The following GPM6A variants were observed in gnomAD, a reference collection of about 807,000 sequenced individuals.
GPM6A encodes neuronal membrane glycoprotein M6-a.
A neutral mutation model predicts 32.1 loss-of-function variants in GPM6A; 7 were observed. That is an observed-to-expected ratio of 0.22 (90% CI 0.12 to 0.41). GPM6A has a LOEUF of 0.41. GPM6A is among the 10% of genes least tolerant of loss of function. The probability of loss-of-function intolerance (pLI) is 1.00; values close to 1 mark genes in which losing one functional copy is unlikely to be tolerated. For missense variants in GPM6A, 235 were observed against 347.2 expected, an observed-to-expected ratio of 0.68 and a Z score of 2.57; for synonymous variants, 130 against 123.4, an observed-to-expected ratio of 1.05 and a Z score of -0.35.
At chr4:175,864,134 A>T (rs778286890) in intron 1 of GPM6A, among the ~76,000 whole-genome samples, 1 of 152,192 alleles carries the variant, frequency 6.6e-6, no homozygotes, top group Non-Finnish European at 1.5e-5. Context: ...TTTCCCTAAT[A>T]AAATAAAGTT....
chr4:175,953,310 A>G (rs980261955), intron 1 of GPM6A, among the ~76,000 whole-genome samples: 6 of 152,184 alleles, frequency 3.9e-5, no homozygotes, highest in Non-Finnish European at 7.3e-5. Context: ...TTTTCCACAG[A>G]GAAGTAGTCT....
At chr4:175,869,611 T>C (rs1736842134) in intron 1 of GPM6A, among the ~76,000 whole-genome samples, 1 of 151,834 alleles carries the variant, frequency 6.6e-6, no homozygotes, top group African/African-American at 2.4e-5. Context: ...ACAAAAATTA[T>C]CTGGGCATGG....
At chr4:175,995,350 A>C (rs1741271291) in intron 1 of GPM6A, among the ~76,000 whole-genome samples, 1 of 150,720 alleles carries the variant, frequency 6.6e-6, no homozygotes, top group Non-Finnish European at 1.5e-5. Context: ...TGGAAGTGGA[A>C]ATTGCTGCTT....
At chr4:175,986,073 G>A (rs1031069760) in intron 1 of GPM6A, among the ~76,000 whole-genome samples, 1 of 151,958 alleles carries the variant, frequency 6.6e-6, no homozygotes, top group African/African-American at 2.4e-5. Flanking sequence ...CAAAGTGCAG[G>A]GTCCCAAAGG....
chr4:175,636,258 C>CTGTATATATA (rs1740580730), intron 6 of GPM6A, among the ~76,000 whole-genome samples: 1 of 34,100 alleles, frequency 2.9e-5, no homozygotes, highest in Non-Finnish European at 7.2e-5. Context: ...AGCATAATCA[C>CTGTATATATA]TGTATATATA....
chr4:175,849,578 G>T (rs922147652), intron 1 of GPM6A, among the ~76,000 whole-genome samples: 3 of 152,128 alleles, frequency 2.0e-5, no homozygotes, highest in African/African-American at 4.8e-5. Context: ...GATTAACATG[G>T]AAACGGTTTC....
At chr4:175,977,076 T>G (rs1292507130) in intron 1 of GPM6A, among the ~76,000 whole-genome samples, 1 of 152,208 alleles carries the variant, frequency 6.6e-6, no homozygotes, top group Non-Finnish European at 1.5e-5. Flanking sequence ...AACATTGTAT[T>G]CTTAAATAAA....
chr4:175,930,425 TG>T (rs138781978), intron 1 of GPM6A, among the ~76,000 whole-genome samples: 13 of 124,886 alleles, frequency 1.0e-4, no homozygotes, highest in South Asian at 5.3e-4. Context: ...ATCTGTTTTT[TG>T]GGGGGGGGTT....
intron 1 of GPM6A, among the ~76,000 whole-genome samples, chr4:175,762,110 G>A (rs1264983645): frequency 6.6e-6 from 1 of 152,138 alleles, no homozygotes; most frequent in Admixed American, 6.5e-5. Context: ...AGCTTTCAAT[G>A]TCTGAAAAAG....
At chr4:175,648,433 T>C (rs1741598915) in intron 4 of GPM6A, among the ~76,000 whole-genome samples, 1 of 152,150 alleles carries the variant, frequency 6.6e-6, no homozygotes, top group East Asian at 1.9e-4. Context: ...TGGACTGCCA[T>C]CATGATCAAG....
chr4:175,794,676 A>G (rs774133121), intron 1 of GPM6A, among the ~76,000 whole-genome samples: 1 of 152,194 alleles, frequency 6.6e-6, no homozygotes, highest in Non-Finnish European at 1.5e-5. Context: ...GAAGCCTGGA[A>G]AAAGCTTCCT....
chr4:175,929,303 T>C (rs1281039105), intron 1 of GPM6A, among the ~76,000 whole-genome samples: 10 of 152,174 alleles, frequency 6.6e-5, no homozygotes, highest in Non-Finnish European at 1.3e-4. Context: ...AGTCAAAATA[T>C]TTTGAAAACT....
chr4:175,891,687 G>GAGA, intron 1 of GPM6A: 1 of 152,206 alleles, frequency 6.6e-6, no homozygotes, highest in Non-Finnish European at 1.5e-5. Context: ...TATTCCTTGA[G>GAGA]AAGCTGTAAG....
At chr4:175,978,774 T>C (rs1271967445) in intron 1 of GPM6A, among the ~76,000 whole-genome samples, 1 of 152,204 alleles carries the variant, frequency 6.6e-6, no homozygotes, top group African/African-American at 2.4e-5. Flanking sequence ...ACTGAAACTC[T>C]ATCTCAATAG....
At chr4:175,710,528 T>C (rs919174222) in intron 1 of GPM6A, among the ~76,000 whole-genome samples, 1 of 152,224 alleles carries the variant, frequency 6.6e-6, no homozygotes, top group African/African-American at 2.4e-5. Context: ...TCTGTTTGTA[T>C]ATTTATTGCA....
chr4:175,831,682 A>G (rs1217495372), intron 1 of GPM6A, among the ~76,000 whole-genome samples: 4 of 150,794 alleles, frequency 2.7e-5, no homozygotes, highest in African/African-American at 9.8e-5. Context: ...CAAAGGTCAC[A>G]AATAGAACTT....
intron 3 of GPM6A, among the ~76,000 whole-genome samples, chr4:175,658,648 T>C (rs1191686106): frequency 2.0e-5 from 3 of 152,198 alleles, no homozygotes; most frequent in African/African-American, 7.2e-5. Context: ...GAGGTAGTGA[T>C]AACGGGAGTC....
At position 175,633,115 on chromosome 4, in the gene GPM6A, CA is replaced by C. The variant is rs1166224798; in HGVS notation, c.*1789del. 6.6e-6 allele frequency: 1 copy of C among 152,298 alleles called. No individual in the cohort carries two copies. The highest frequency in any genetic ancestry group is 1.5e-5 in the Non-Finnish European group (1 of 67,900). 9.4% of individuals were successfully genotyped at this position (152,298 alleles called of 1,614,324 possible). On this transcript the variant is annotated 3_prime_UTR_variant, in exon 7 of 7. Coordinates refer to ENST00000393658, the MANE Select transcript of GPM6A (RefSeq NM_201591.3). ...AAACTCTAATACCAGAAATAAAAGC[CA>C]AAAGTGTCAACATCATTACATAAGT...
At chr4:175,931,697 CACACACACACACAT>C (rs1351262993) in intron 1 of GPM6A, among the ~76,000 whole-genome samples, 3 of 146,272 alleles carry the variant, frequency 2.1e-5, no homozygotes, top group Non-Finnish European at 3.0e-5. Flanking sequence ...CACACACACA[CACACACACACACAT>C]ATATATATAT....
Sources: allele counts gnomAD v4.1 joint callset (sites outside exome capture counted in the v4.1 genomes callset), GRCh38; gene constraint gnomAD v4.1.1; transcripts MANE v1.5; gene names NCBI Gene and HGNC (gene_info 2026-07-23, HGNC 2026-07-21).